The following GPAM variants were observed in gnomAD, a reference collection of about 807,000 sequenced individuals.
The protein encoded by GPAM is glycerol-3-phosphate acyltransferase, mitochondrial.
A neutral mutation model predicts 105.0 loss-of-function variants in GPAM; 56 were observed. The ratio of observed to expected loss-of-function variants is 0.53; its 90% CI spans 0.43 to 0.67. GPAM has a LOEUF of 0.67. GPAM is among the 30% of genes least tolerant of loss of function. The pLI, the probability that GPAM is intolerant of heterozygous loss-of-function variation, is 0.00. For synonymous variants in GPAM, 368 were observed against 354.4 expected (o/e 1.04, Z -0.43); for missense variants, 855 against 989.8 (o/e 0.86, Z 1.83).
chr10:112,226,002 C>T, the GPAM span, among the ~76,000 whole-genome samples: 44 of 152,322 alleles, frequency 2.9e-4, no homozygotes, highest in African/African-American at 9.6e-4. Flanking sequence ...CTGAGGATCA[C>T]ACCATTTTTC....
intron 6 of GPAM, among the ~76,000 whole-genome samples, chr10:112,174,090 C>T (rs1015921591): frequency 9.5e-6 from 1 of 105,300 alleles, no homozygotes; most frequent in African/African-American, 3.5e-5. Context: ...GAATTTAATT[C>T]AAATTTACTG....
chr10:112,154,123 T>C (rs1295823221), intron 21 of GPAM: 8 of 195,476 alleles, frequency 4.1e-5, no homozygotes, highest in Middle Eastern at 2.4e-3. Context: ...AGAGCCAAGA[T>C]TGTGGTCCTA....
chr10:112,152,620 C>A lies in GPAM; in HGVS notation c.*930G>T. On this transcript the variant is annotated 3_prime_UTR_variant, in exon 22 of 22. Transcript: ENST00000348367. ...AGAGAACTGTATTCTAACAGTCTGT[C>A]AGCTCAAGCTAATCAAGTTAGGAAA... 1.0e-6 allele frequency: 1 copy of A among 985,364 alleles called. No homozygotes were observed. The highest frequency in any genetic ancestry group is 1.2e-6 in the Non-Finnish European group (1 of 829,864). 61.0% of individuals were successfully genotyped at this position (985,364 alleles called of 1,614,324 possible). A position where few individuals can be genotyped will look rare whatever the true frequency, so the allele number is the denominator to read the frequency against.
chr10:112,180,058 T>G (rs1017476129), intron 4 of GPAM, among the ~76,000 whole-genome samples: 2 of 152,232 alleles, frequency 1.3e-5, no homozygotes, highest in Non-Finnish European at 2.9e-5. Flanking sequence ...CACCTTCCAT[T>G]AGCAAAGGCT....
upstream of GPAM, among the ~76,000 whole-genome samples, chr10:112,217,348 T>C (rs1200552224): frequency 6.6e-6 from 1 of 152,198 alleles, no homozygotes; most frequent in Non-Finnish European, 1.5e-5. Flanking sequence ...ATGAATAATA[T>C]TACATAGTAT....
Position 112,157,454 on chromosome 10 carries a change from A to G in GPAM, c.1981-65T>C, listed in dbSNP as rs1033841746. ...TGGCACACAAACAACTGCCCAGTGG[A>G]GCCAGGACAAGGCAGTCCTCTTCTC... On this transcript the variant is annotated intron_variant, in intron 18 of 21. Coordinates refer to ENST00000348367, the MANE Select transcript of GPAM (RefSeq NM_001244949.2). 6 of 1,461,278 alleles carry G rather than the reference A, an allele frequency of 4.1e-6. No homozygotes were observed. In the African/African-American group the frequency reaches 4.2e-5, roughly 10 times the overall value. The allele number at this position is 1,461,278 out of a possible 1,614,324, so 90.5% of individuals were successfully genotyped here. A position where few individuals can be genotyped will look rare whatever the true frequency, so the allele number is the denominator to read the frequency against.
chr10:112,157,082 A>G (rs1847030948), intron 19 of GPAM, 167 bp downstream of exon 19: 1 of 698,776 alleles, frequency 1.4e-6, no homozygotes, highest in Admixed American at 2.2e-5. Context: ...TTAAAATGCT[A>G]TTAATTCAAC....
At position 112,178,108 on chromosome 10, in the gene GPAM, T is replaced by C. The variant is rs537924397; in HGVS notation, c.226-51A>G. The C allele has an allele frequency of 8.9e-6, 8 of 896,384 alleles. No homozygotes were observed. In the South Asian group the frequency reaches 1.1e-4, roughly 12 times the overall value. 55.5% of individuals were successfully genotyped at this position (896,384 alleles called of 1,614,324 possible). A position where few individuals can be genotyped will look rare whatever the true frequency, so the allele number is the denominator to read the frequency against. ...CATAAATACACAACTAGATTGACGG[T>C]GAAGAGCTCTCATTATGAGTTCTTG... On this transcript the variant is annotated intron_variant, in intron 4 of 21. Transcript: ENST00000348367.
chr10:112,189,891 A>G (rs952294289), intron 1 of GPAM, among the ~76,000 whole-genome samples: 2 of 152,168 alleles, frequency 1.3e-5, no homozygotes, highest in African/African-American at 4.8e-5. Flanking sequence ...CTCGGGTAAC[A>G]TTCCTGATTG....
intron 1 of GPAM, among the ~76,000 whole-genome samples, chr10:112,200,167 AAT>A (rs10528337): frequency 0.056 from 4,818 of 86,596 alleles, 128 homozygotes; most frequent in Non-Finnish European, 0.08. Flanking sequence ...TTGTAAAGGA[AAT>A]ATATATATAT....
upstream of GPAM, among the ~76,000 whole-genome samples, chr10:112,215,747 G>T (rs939769488): frequency 6.6e-6 from 1 of 152,176 alleles, no homozygotes; most frequent in African/African-American, 2.4e-5. Flanking sequence ...GTTTGACTGG[G>T]GCTGAGCGGG....
chr10:112,207,209 G>A (rs1266727207), intron 1 of GPAM, among the ~76,000 whole-genome samples: 2 of 152,156 alleles, frequency 1.3e-5, no homozygotes, highest in African/African-American at 4.8e-5. Context: ...ACAGGACACT[G>A]CTAAACTTCC....
upstream of GPAM, among the ~76,000 whole-genome samples, chr10:112,215,594 A>G (rs1847959300): frequency 6.6e-6 from 1 of 151,862 alleles, no homozygotes. Context: ...CCTGGTGGGG[A>G]TTTTCTAACT....
intron 1 of GPAM, among the ~76,000 whole-genome samples, chr10:112,211,770 C>T (rs984914009): frequency 6.6e-6 from 1 of 152,162 alleles, no homozygotes; most frequent in Non-Finnish European, 1.5e-5. Flanking sequence ...AAGTATTACA[C>T]CCATTTTACA....
intron 1 of GPAM, among the ~76,000 whole-genome samples, chr10:112,212,779 C>T (rs1349185824): frequency 6.6e-6 from 1 of 152,102 alleles, no homozygotes; most frequent in Non-Finnish European, 1.5e-5. Context: ...GGTGGTAATC[C>T]CTCTACCTCA....
chr10:112,174,036 T>A (rs1292211238), intron 6 of GPAM, among the ~76,000 whole-genome samples, 191 bp from the exon 7 acceptor site: 1 of 152,182 alleles, frequency 6.6e-6, no homozygotes, highest in Non-Finnish European at 1.5e-5. Flanking sequence ...GAATACTATA[T>A]TCCTAAATCA....
At chr10:112,191,484 A>C (rs1198175762) in intron 1 of GPAM, among the ~76,000 whole-genome samples, 1 of 152,224 alleles carries the variant, frequency 6.6e-6, no homozygotes, top group Non-Finnish European at 1.5e-5. Flanking sequence ...CAGTGTAGTT[A>C]AGAAATTAGC....
At position 112,192,945 on chromosome 10, in the gene GPAM, T is replaced by C. The variant is rs140829110; in HGVS notation, n.211-10054A>G. ...TTAAATTGGCCGCAGAGAATCTAGG[T>C]AAGGAAGAAAGTAAGTAGGTTTTGT... On this transcript the variant is annotated intron_variant and non_coding_transcript_variant, in intron 1 of 3. Transcript: ENST00000480130. Among the ~76,000 whole-genome samples, 1,356 of 152,198 alleles carry C rather than the reference T, an allele frequency of 8.9e-3. 17 individuals are homozygous for C. Among genetic ancestry groups the C allele is most frequent in the African/African-American group, 0.031 (1,285 of 41,540 alleles).
chr10:112,181,743 A>C lies in GPAM; in HGVS notation c.42T>G (p.Ser14=). The C allele has an allele frequency of 6.2e-7, 1 of 1,610,312 alleles. No homozygotes were observed. Among genetic ancestry groups the C allele is most frequent in the Non-Finnish European group, 8.5e-7 (1 of 1,176,616 alleles). The change falls in exon 3 of 22, where the codon TCT becomes TCG. Residue 14 remains serine (S), a synonymous_variant. Transcript: ENST00000348367. ...SALTLGTIDV[S]YLPHSSEYSV... ...TGTATTCTGATGAATGTGGCAGATA[A>C]GAAACATCTATTGTACCAAGGGTCA...
Sources: allele counts gnomAD v4.1 joint callset (sites outside exome capture counted in the v4.1 genomes callset), GRCh38; gene constraint gnomAD v4.1.1; transcripts MANE v1.5; gene names NCBI Gene and HGNC (gene_info 2026-07-23, HGNC 2026-07-21).